SYT16: variants seen among roughly 807,000 people sequenced by gnomAD.
The protein encoded by SYT16 is synaptotagmin 16, also known as synaptotagmin-16.
SYT16 carries 42 observed loss-of-function variants against 61.4 expected under a neutral mutation model. The ratio of observed to expected loss-of-function variants is 0.68; its 90% CI spans 0.53 to 0.89. The LOEUF (loss-of-function observed/expected upper bound fraction) is 0.89. SYT16 is among the 40% of genes least tolerant of loss of function. The pLI is 0.00. For missense variants in SYT16, 804 were observed against 807.3 expected, an observed-to-expected ratio of 1.00 and a Z score of 0.05; for synonymous variants, 314 against 302.3, an observed-to-expected ratio of 1.04 and a Z score of -0.40.
At chr14:62,080,693 A>G in intron 5 of SYT16, 141 bp from the exon 6 acceptor site, 1 of 821,584 alleles carries the variant, frequency 1.2e-6, no homozygotes, top group Non-Finnish European at 1.9e-6. Context: ...TAGACCAGTA[A>G]ACAGACCTAT....
rs1036757392 is a variant in SYT16 at position 62,108,557 on chromosome 14, A to G, written c.*7850A>G. 6.6e-6 allele frequency: 1 copy of G among 152,152 alleles called. No individual in the cohort carries two copies. Among genetic ancestry groups the G allele is most frequent in the African/African-American group, 2.4e-5 (1 of 41,456 alleles). 9.4% of individuals were successfully genotyped at this position (152,152 alleles called of 1,614,324 possible). A position where few individuals can be genotyped will look rare whatever the true frequency, so the allele number is the denominator to read the frequency against. ...ATAGCCAATGCCTTGACCAAAGCTT[A>G]CTAATTTTGCCACATTTCCTTGTGG... On this transcript the variant is annotated 3_prime_UTR_variant, in exon 8 of 8. Coordinates refer to ENST00000683842, the MANE Select transcript of SYT16 (RefSeq NM_001367656.1).
intron 3 of SYT16, 150 bp from the exon 4 acceptor site, chr14:62,069,453 A>C: frequency 1.4e-6 from 1 of 712,220 alleles, no homozygotes; most frequent in Non-Finnish European, 2.4e-6. Context: ...GTGTTGCAAA[A>C]GTGCTTTAAA....
intron 3 of SYT16, among the ~76,000 whole-genome samples, chr14:62,062,957 C>T (rs371964690): frequency 1.3e-5 from 2 of 152,080 alleles, no homozygotes; most frequent in African/African-American, 4.8e-5. Flanking sequence ...TTTTTTTCTC[C>T]ATCTGTAAAG....
intron 1 of SYT16, among the ~76,000 whole-genome samples, chr14:61,904,247 C>T (rs956120953): frequency 8.5e-5 from 13 of 152,290 alleles, no homozygotes; most frequent in East Asian, 5.8e-4. Context: ...GGACTATCAA[C>T]GCTGAGGAAG....
At chr14:61,952,259 T>A (rs893085460) in intron 1 of SYT16, among the ~76,000 whole-genome samples, 3 of 152,144 alleles carry the variant, frequency 2.0e-5, no homozygotes, top group African/African-American at 7.2e-5. Flanking sequence ...CCTTATGAAC[T>A]GACAAATCAC....
chr14:61,866,698 G>A (rs1037778061), intron 1 of SYT16, among the ~76,000 whole-genome samples: 4 of 152,100 alleles, frequency 2.6e-5, no homozygotes, highest in African/African-American at 9.7e-5. Flanking sequence ...ATACTCTCCT[G>A]TAGTCTGTGG....
intron 1 of SYT16, among the ~76,000 whole-genome samples, chr14:61,903,706 A>G (rs918924571): frequency 2.6e-5 from 4 of 152,218 alleles, no homozygotes; most frequent in African/African-American, 9.6e-5. Flanking sequence ...GATTAAGATT[A>G]TAGGAAGTAG....
intron 1 of SYT16, among the ~76,000 whole-genome samples, chr14:61,912,503 C>A (rs1431079418): frequency 6.6e-6 from 1 of 152,142 alleles, no homozygotes; most frequent in Non-Finnish European, 1.5e-5. Flanking sequence ...TGCTGTCTAG[C>A]AAAGAGTATT....
At chr14:61,970,866 A>T (rs922112451) in intron 2 of SYT16, among the ~76,000 whole-genome samples, 2 of 152,064 alleles carry the variant, frequency 1.3e-5, no homozygotes, top group Non-Finnish European at 2.9e-5. Context: ...TTACAGAGGG[A>T]TGGTTATCAT....
chr14:61,917,560 A>C (rs1341883317), intron 1 of SYT16, among the ~76,000 whole-genome samples: 1 of 152,158 alleles, frequency 6.6e-6, no homozygotes, highest in Non-Finnish European at 1.5e-5. Context: ...GTGCAATTGA[A>C]AGCAGAGTCA....
At chr14:62,079,977 A>T (rs1026751830) in intron 5 of SYT16, among the ~76,000 whole-genome samples, 1 of 152,336 alleles carries the variant, frequency 6.6e-6, no homozygotes, top group African/African-American at 2.4e-5. Flanking sequence ...TTTCATATCA[A>T]TGAAAACCTC....
At chr14:61,994,862 G>A (rs1011125860) in intron 2 of SYT16, among the ~76,000 whole-genome samples, 3 of 152,190 alleles carry the variant, frequency 2.0e-5, no homozygotes, top group African/African-American at 7.2e-5. Context: ...TTTTTAGAAT[G>A]TAAGTAGTCA....
intron 1 of SYT16, among the ~76,000 whole-genome samples, chr14:61,969,777 C>T (rs988029772): frequency 1.3e-5 from 2 of 152,156 alleles, no homozygotes; most frequent in Admixed American, 1.3e-4. Context: ...TCAACCATGT[C>T]CAGCTAAACC....
At chr14:61,911,873 C>G (rs569700308) in intron 1 of SYT16, among the ~76,000 whole-genome samples, 2 of 152,220 alleles carry the variant, frequency 1.3e-5, no homozygotes, top group East Asian at 3.9e-4. Flanking sequence ...TTTAAAATAA[C>G]AGAAACGGGT....
intron 2 of SYT16, among the ~76,000 whole-genome samples, chr14:61,988,737 G>T (rs1400187442): frequency 6.6e-6 from 1 of 152,102 alleles, no homozygotes; most frequent in Non-Finnish European, 1.5e-5. Flanking sequence ...AGTTCCATTA[G>T]TGAAACAGGC....
At chr14:61,973,146 G>A (rs529947187) in intron 2 of SYT16, among the ~76,000 whole-genome samples, 1 of 152,240 alleles carries the variant, frequency 6.6e-6, no homozygotes, top group Admixed American at 6.5e-5. Context: ...CATCAGAGAG[G>A]CAAGAGTGGA....
chr14:62,014,795 G>A (rs1332487177), intron 3 of SYT16, among the ~76,000 whole-genome samples: 1 of 152,036 alleles, frequency 6.6e-6, no homozygotes. Context: ...CCCTCCGAAT[G>A]TTCATTTTAA....
chr14:61,965,874 A>T (rs1203510760), intron 1 of SYT16, among the ~76,000 whole-genome samples: 4 of 152,156 alleles, frequency 2.6e-5, no homozygotes, highest in Non-Finnish European at 5.9e-5. Context: ...CTTCCAGGAA[A>T]AATGAACAAA....
At chr14:61,871,719 T>C (rs890766786) in intron 1 of SYT16, among the ~76,000 whole-genome samples, 3 of 152,242 alleles carry the variant, frequency 2.0e-5, no homozygotes, top group African/African-American at 7.2e-5. Flanking sequence ...CTGGATTCCT[T>C]AACTTTTTCA....
Sources: gnomAD v4.1 joint callset for allele counts (sites outside exome capture counted in the v4.1 genomes callset) on GRCh38, gnomAD v4.1.1 for gene constraint, MANE v1.5 for transcripts, NCBI Gene and HGNC (gene_info 2026-07-23, HGNC 2026-07-21) for gene names.